The following ATP2A3 variants were observed in gnomAD, a reference collection of about 807,000 sequenced individuals.
The protein encoded by ATP2A3 is ATPase sarcoplasmic/endoplasmic reticulum Ca2+ transporting 3, also known as sarcoplasmic/endoplasmic reticulum calcium ATPase 3.
A neutral mutation model predicts 106.8 loss-of-function variants in ATP2A3; 61 were observed. That is an observed-to-expected ratio of 0.57 (90% confidence interval 0.46 to 0.71). The LOEUF (loss-of-function observed/expected upper bound fraction) is 0.71, where lower values mean the gene tolerates loss of function less well. ATP2A3 is among the 30% of genes least tolerant of loss of function. ATP2A3 has a pLI of 0.00. For synonymous variants in ATP2A3, 611 were observed against 609.3 expected (o/e 1.00, Z -0.04); for missense variants, 1,201 against 1,423.5 (o/e 0.84, Z 2.52).
At chr17:3,952,351 T>G (rs1192317564) in intron 3 of ATP2A3, among the ~76,000 whole-genome samples, 1 of 152,104 alleles carries the variant, frequency 6.6e-6, no homozygotes, top group Non-Finnish European at 1.5e-5. Context: ...ATTACAGGCA[T>G]GCGCCACTGC....
chr17:3,951,551 C>CCCCCCCGGGCCCCCCCCCCGGG, intron 4 of ATP2A3, 30 bp downstream of exon 4: 2 of 1,341,320 alleles, frequency 1.5e-6, no homozygotes, highest in Non-Finnish European at 2.1e-6. Flanking sequence ...AGACCGCCCC[C>CCCCCCCGGGCCCCCCCCCCGGG]CGCCCGGTCC....
chr17:3,948,756 G>T (rs1414862671), intron 7 of ATP2A3, among the ~76,000 whole-genome samples: 1 of 152,064 alleles, frequency 6.6e-6, no homozygotes, highest in African/African-American at 2.4e-5. Flanking sequence ...TGATCCTGGA[G>T]CAACAGCTCT....
chr17:3,933,602 G>A (rs541296788), intron 17 of ATP2A3, among the ~76,000 whole-genome samples: 7 of 151,168 alleles, frequency 4.6e-5, no homozygotes, highest in Non-Finnish European at 1.0e-4. Flanking sequence ...CGGGCATGGT[G>A]GTGGGCGCCT....
chr17:3,955,380 A>G lies in ATP2A3; in HGVS notation c.119-1670T>C, dbSNP rs2054714934. ...TCAAGCAGCCCACTGGACTGTAGGAATCCAGGAGGGAAATATATAGCCTAA... is the reference window on the plus strand; with the variant it reads ...TCAAGCAGCCCACTGGACTGTAGGAGTCCAGGAGGGAAATATATAGCCTAA... On this transcript the variant is annotated intron_variant, in intron 1 of 20. Transcript: ENST00000397041. The surrounding 1 kb of genome is among the most constrained non-coding windows in gnomAD (Gnocchi z 4.2). 6.6e-6 allele frequency among the ~76,000 whole-genome samples: 1 copy of G among 152,200 alleles called. No homozygotes were observed. Among genetic ancestry groups the G allele is most frequent in the Non-Finnish European group, 1.5e-5 (1 of 68,044 alleles).
In ATP2A3 at chr17:3,928,354, G is replaced by A. The variant is rs1364939571; in HGVS notation, c.2980+309C>T. ...TGGGTGCAGAGGGGTCAGAGGCTGA[G>A]GCCCAGAAGAGCACACAGTGCCCTG... On this transcript the variant is annotated intron_variant, in intron 20 of 20. Transcript: ENST00000397041. This position sits in a 1 kb window ranked among gnomAD's most constrained non-coding sequence, Gnocchi z 6.1. 1.2e-6 allele frequency: 2 copies of A among 1,601,014 alleles called. No homozygotes were observed. The highest frequency in any genetic ancestry group is 2.2e-5 in the East Asian group (1 of 44,750).
In ATP2A3 at chr17:3,944,758, C is replaced by T. The variant is rs1027893151; in HGVS notation, c.1233G>A (p.Val411=). ...PVRCGQFDGL[V]ELATICALCN... The stretch of plus-strand genomic sequence containing the variant: ...ACAGGGCGCAGATGGTCGCCAGCTC[C>T]ACCAGCCCGTCGAACTGGCCGCAGC... Residue 411 remains valine (V), a synonymous_variant, in exon 10 of 21, where the codon GTG becomes GTA. Transcript: ENST00000397041. 6.2e-7 allele frequency: 1 copy of T among 1,612,974 alleles called. No individual in the cohort carries two copies. Among genetic ancestry groups the T allele is most frequent in the Admixed American group, 1.7e-5 (1 of 59,924 alleles).
At position 3,941,539 on chromosome 17, in the gene ATP2A3, G is replaced by A. The variant is rs750215618; in HGVS notation, c.1661C>T (p.Ser554Leu). The stretch of plus-strand genomic sequence containing the variant: ...CAGGCAGCGCAGCGTGTCTGAGCCT[G>A]AGCCCCAATCCCGGATCTTTGCCAG... ...QILAKIRDWG[S>L]GSDTLRCLAL... Residue 554 changes from serine to leucine, a missense_variant, in exon 13 of 21, where the codon TCA (serine) becomes TTA (leucine). Physicochemically the swap from Ser to Leu is moderately radical, Grantham distance 145. Around this residue, in one of 2 missense-constraint regions of ATP2A3, gnomAD observed 935 missense variants for 1,176.7 expected, o/e 0.79. Coordinates refer to ENST00000397041, the MANE Select transcript of ATP2A3 (RefSeq NM_005173.4). 1.9e-6 allele frequency: 3 copies of A among 1,613,740 alleles called. No homozygotes were observed. In the African/African-American group the frequency reaches 4.0e-5, roughly 22 times the overall value.
At chr17:3,951,547 C>CCCG in intron 4 of ATP2A3, 34 bp downstream of exon 4, 1 of 1,338,958 alleles carries the variant, frequency 7.5e-7, no homozygotes, top group Non-Finnish European at 1.0e-6. Flanking sequence ...TGGGAGACCG[C>CCCG]CCCCCGCCCG....
intron 14 of ATP2A3, among the ~76,000 whole-genome samples, chr17:3,940,474 A>T (rs902067612): frequency 2.7e-4 from 41 of 152,196 alleles, no homozygotes; most frequent in African/African-American, 9.7e-4. Context: ...AATCCAGATG[A>T]TAGACATGTA....
chr17:3,942,713 G>A lies in ATP2A3; in HGVS notation c.1438C>T (p.Arg480Trp), dbSNP rs1021554812. 9 of 1,613,108 alleles carry A rather than the reference G, an allele frequency of 5.6e-6. No homozygotes were observed. The highest frequency in any genetic ancestry group is 2.2e-5 in the East Asian group (1 of 44,844). ...ACNTVIKQLMRKEFTLEFSRD... is the reference protein window; with the variant it reads ...ACNTVIKQLMWKEFTLEFSRD... ...GAGAACTCCAGGGTGAACTCCTTCC[G>A]CATCAGCTGCTTGATGACCTGCGGG... is the stretch of plus-strand genomic sequence containing the variant. Residue 480 changes from arginine to tryptophan, a missense_variant, in exon 12 of 21, where the codon CGG (arginine) becomes TGG (tryptophan). Coordinates refer to ENST00000397041, the MANE Select transcript of ATP2A3 (RefSeq NM_005173.4).
rs996916131 is a variant in ATP2A3 at position 3,926,928 on chromosome 17, C to T, written c.2981-1487G>A. The stretch of plus-strand genomic sequence containing the variant: ...GTTGACACAGTCCGCACCGTGCTTA[C>T]ACTCCTCCCGTGCTTCCCCACTGCC... On this transcript the variant is annotated intron_variant, in intron 20 of 20. Coordinates refer to ENST00000397041, the MANE Select transcript of ATP2A3 (RefSeq NM_005173.4). This position sits in a 1 kb window ranked among gnomAD's most constrained non-coding sequence, Gnocchi z 4.6. 4.5e-5 allele frequency: 44 copies of T among 985,344 alleles called. No individual in the cohort carries two copies. Among genetic ancestry groups the T allele is most frequent in the Non-Finnish European group, 5.1e-5 (42 of 829,950 alleles). The allele number at this position is 985,344 out of a possible 1,614,324, so 61.0% of individuals were successfully genotyped here.
chr17:3,953,696 C>G lies in ATP2A3; in HGVS notation c.133G>C (p.Glu45Gln), dbSNP rs1206107841. 3 of 1,567,908 alleles carry G rather than the reference C, an allele frequency of 1.9e-6. No individual in the cohort carries two copies. The East Asian group carries it at 7.1e-5, about 37-fold the overall frequency. ...TCCATCCCGGTGCCAGCCTCACCTT[C>G]CTCACTCGGGAGCTCTGCAGGATCC... ...RYGPNELPSEEGKSLWELVLE... is the reference protein window; with the variant it reads ...RYGPNELPSEQGKSLWELVLE... The change falls in exon 2 of 21, where the codon GAA becomes CAA. Residue 45 changes from glutamate to glutamine, a missense_variant. Coordinates refer to ENST00000397041, the MANE Select transcript of ATP2A3 (RefSeq NM_005173.4). The surrounding 1 kb of genome is among the most constrained non-coding windows in gnomAD (Gnocchi z 5.1).
Position 3,934,830 on chromosome 17 carries a change from C to T in ATP2A3, c.2610+362G>A, listed in dbSNP as rs140202127. ...GAACCACCGTGCCCAGCCCTCCCCTCCATTCTTGATCTCCTCAGTTTGACC... is the reference window on the plus strand; with the variant it reads ...GAACCACCGTGCCCAGCCCTCCCCTTCATTCTTGATCTCCTCAGTTTGACC... On this transcript the variant is annotated intron_variant, in intron 17 of 20. Transcript: ENST00000397041. 752 of 270,146 alleles carry T rather than the reference C, an allele frequency of 2.8e-3. 4 individuals carry two copies. The highest frequency in any genetic ancestry group is 4.5e-3 in the Non-Finnish European group (607 of 134,384). The allele number at this position is 270,146 out of a possible 1,614,324, so 16.7% of individuals were successfully genotyped here. A position where few individuals can be genotyped will look rare whatever the true frequency, so the allele number is the denominator to read the frequency against.
Position 3,947,464 on chromosome 17 carries a change from G to A in ATP2A3, c.1022C>T (p.Thr341Ile). The A allele has an allele frequency of 1.2e-6, 2 of 1,613,872 alleles. No homozygotes were observed. The change falls in exon 8 of 21, where the codon ACC (threonine) becomes ATC (isoleucine). Residue 341 changes from threonine (T) to isoleucine (I), a missense_variant. Coordinates refer to ENST00000397041, the MANE Select transcript of ATP2A3 (RefSeq NM_005173.4). This position sits in a 1 kb window ranked among gnomAD's most constrained non-coding sequence, Gnocchi z 7.7. ...AIVRSLPSVE[T>I]LGCTSVICSD... ...GCAGATGACTGAGGTGCAGCCCAGGGTCTCCACGGACGGCAGGCTTCGCAC... is the reference window on the plus strand; with the variant it reads ...GCAGATGACTGAGGTGCAGCCCAGGATCTCCACGGACGGCAGGCTTCGCAC...
intron 15 of ATP2A3, chr17:3,937,004 G>A (rs1461925749): frequency 6.0e-6 from 2 of 335,174 alleles, no homozygotes; most frequent in Non-Finnish European, 1.2e-5. Flanking sequence ...ATGCACCAGA[G>A]CACACATGCA....
chr17:3,941,304 C>T lies in ATP2A3; in HGVS notation c.1767G>A (p.Thr589=), dbSNP rs763834422. 6.2e-6 allele frequency: 10 copies of T among 1,613,560 alleles called. No homozygotes were observed. Among genetic ancestry groups the T allele is most frequent in the South Asian group, 1.1e-5 (1 of 91,062 alleles). ...DDCSKFVQYE[T]DLTFVGCVGM... ...CTACGCAGCCCACGAAGGTCAGGTC[C>T]GTCTGTAGGGAGGGGGCAGATTCAA... Residue 589 remains threonine (T), a splice_region_variant and synonymous_variant, in exon 14 of 21, where the codon ACG becomes ACA. Transcript: ENST00000397041.
chr17:3,944,601 C>A lies in ATP2A3; in HGVS notation c.1287+103G>T, dbSNP rs77099334. 2.2e-5 allele frequency: 28 copies of A among 1,250,400 alleles called. No individual in the cohort carries two copies. The East Asian group carries it at 6.3e-4, about 28-fold the overall frequency. The allele number at this position is 1,250,400 out of a possible 1,614,324, so 77.5% of individuals were successfully genotyped here. On this transcript the variant is annotated intron_variant, in intron 10 of 20. Coordinates refer to ENST00000397041, the MANE Select transcript of ATP2A3 (RefSeq NM_005173.4). ...ACCGTGCTCCCTGGGTGTGGCACTT[C>A]CAGGGAGCAAGGGCTGCCAACCCTG...
chr17:3,932,398 C>G (rs1220611755), intron 17 of ATP2A3, among the ~76,000 whole-genome samples: 1 of 151,898 alleles, frequency 6.6e-6, no homozygotes, highest in Non-Finnish European at 1.5e-5. Flanking sequence ...CCCGCCTCGG[C>G]CTCCCAAAGT....
In ATP2A3 at chr17:3,941,528, T is replaced by C; in HGVS notation, c.1672A>G (p.Thr558Ala). 3 of 1,613,840 alleles carry C rather than the reference T, an allele frequency of 1.9e-6. No individual in the cohort carries two copies. The highest frequency in any genetic ancestry group is 2.5e-6 in the Non-Finnish European group (3 of 1,179,956). Residue 558 changes from threonine to alanine, a missense_variant, in exon 13 of 21, where the codon ACG becomes GCG. By Grantham distance (58) the Thr-to-Ala change is moderately conservative. Around this residue, in one of 2 missense-constraint regions of ATP2A3, gnomAD observed 935 missense variants for 1,176.7 expected, o/e 0.79. Transcript: ENST00000397041. ...GTGGCCAGTGCCAGGCAGCGCAGCG[T>C]GTCTGAGCCTGAGCCCCAATCCCGG... ...KIRDWGSGSD[T>A]LRCLALATRD... is the part of the protein sequence containing the mutation.
Sources: allele counts gnomAD v4.1 joint callset (sites outside exome capture counted in the v4.1 genomes callset), GRCh38; gene constraint gnomAD v4.1.1; regional missense constraint gnomAD v4.1.1; non-coding constraint Gnocchi (gnomAD v3.1); transcripts MANE v1.5; gene names NCBI Gene and HGNC (gene_info 2026-07-23, HGNC 2026-07-21).